Variants in ZRANB3 observed in about 807,000 individuals in gnomAD.
ZRANB3 encodes DNA annealing helicase and endonuclease ZRANB3.
A neutral mutation model predicts 133.8 loss-of-function variants in ZRANB3; 125 were observed. The observed-to-expected ratio is 0.93, with a 90% CI of 0.81 to 1.08. The LOEUF (loss-of-function observed/expected upper bound fraction) is 1.08, where lower values mean the gene tolerates loss of function less well. Ranked by LOEUF, ZRANB3 falls within the 50% of genes least tolerant of loss-of-function variation. The pLI, the probability that ZRANB3 is intolerant of heterozygous loss-of-function variation, is 0.00. For synonymous variants in ZRANB3, 387 were observed against 432.7 expected (o/e 0.89, Z 1.31); for missense variants, 1,229 against 1,275.5 (o/e 0.96, Z 0.56).
intron 9 of ZRANB3, among the ~76,000 whole-genome samples, chr2:135,272,945 A>T (rs1382511196): frequency 6.6e-6 from 1 of 151,992 alleles, no homozygotes; most frequent in Non-Finnish European, 1.5e-5. Context: ...GCACTTTGGG[A>T]GGCCGAGGAG....
At chr2:135,370,033 C>CTTTTTTTTTTTTTT in intron 3 of ZRANB3, among the ~76,000 whole-genome samples, 1 of 119,358 alleles carries the variant, frequency 8.4e-6, no homozygotes, top group Non-Finnish European at 1.9e-5. Flanking sequence ...GGGCATGTTT[C>CTTTTTTTTTTTTTT]TTTTTTTTTT....
intron 12 of ZRANB3, among the ~76,000 whole-genome samples, chr2:135,250,615 G>C (rs2105094383): frequency 6.6e-6 from 1 of 152,370 alleles, no homozygotes; most frequent in Middle Eastern, 3.4e-3. Flanking sequence ...AGCTGCTCCA[G>C]CCATGGCTGA....
chr2:135,287,145 A>T (rs1417970851), intron 8 of ZRANB3, among the ~76,000 whole-genome samples: 2 of 152,224 alleles, frequency 1.3e-5, no homozygotes, highest in Non-Finnish European at 2.9e-5. Flanking sequence ...GTGGCTTGCC[A>T]ATTATCCCAG....
intron 8 of ZRANB3, among the ~76,000 whole-genome samples, chr2:135,297,622 C>T (rs995146083): frequency 1.7e-4 from 26 of 152,312 alleles, no homozygotes; most frequent in African/African-American, 5.1e-4. Context: ...GAGATGAACC[C>T]GGTACCTCAG....
chr2:135,227,715 A>G, intron 14 of ZRANB3, 97 bp downstream of exon 14: 1 of 1,242,274 alleles, frequency 8.0e-7, no homozygotes, highest in South Asian at 1.5e-5. Flanking sequence ...GAGTAAAAGG[A>G]ACCTGGAACA....
intron 1 of ZRANB3, among the ~76,000 whole-genome samples, chr2:135,524,802 T>C (rs1464361076): frequency 6.6e-6 from 1 of 152,092 alleles, no homozygotes; most frequent in African/African-American, 2.4e-5. Context: ...ATGATAAAAT[T>C]ATATTTTAAA....
At chr2:135,406,026 T>C (rs988215128) in intron 2 of ZRANB3, among the ~76,000 whole-genome samples, 7 of 152,012 alleles carry the variant, frequency 4.6e-5, no homozygotes, top group African/African-American at 1.7e-4. Flanking sequence ...AATCAGTGAA[T>C]ACAGGAGCTG....
intron 2 of ZRANB3, among the ~76,000 whole-genome samples, chr2:135,478,403 T>A (rs1691599763): frequency 6.6e-6 from 1 of 152,106 alleles, no homozygotes; most frequent in Non-Finnish European, 1.5e-5. Flanking sequence ...AAGCCTCTCT[T>A]GTGGCCCATC....
intron 6 of ZRANB3, among the ~76,000 whole-genome samples, chr2:135,341,091 A>G (rs1362308298): frequency 2.0e-5 from 3 of 149,648 alleles, no homozygotes; most frequent in Admixed American, 1.3e-4. Context: ...CAGTGGCGCT[A>G]TCTCGGCTCA....
intron 6 of ZRANB3, among the ~76,000 whole-genome samples, chr2:135,326,513 T>C (rs576225344): frequency 6.6e-6 from 1 of 152,320 alleles, no homozygotes; most frequent in East Asian, 1.9e-4. Context: ...ATGTGCAGAA[T>C]GTGCAGGTTT....
intron 2 of ZRANB3, among the ~76,000 whole-genome samples, chr2:135,460,196 C>A (rs897160070): frequency 6.6e-6 from 1 of 152,056 alleles, no homozygotes; most frequent in African/African-American, 2.4e-5. Flanking sequence ...AGTCCTTACT[C>A]CAATGGTGAC....
chr2:135,223,774 A>G (rs1694647696), intron 15 of ZRANB3, among the ~76,000 whole-genome samples: 1 of 152,214 alleles, frequency 6.6e-6, no homozygotes, highest in African/African-American at 2.4e-5. Context: ...TTTGGGCACT[A>G]CTAAGCTAGC....
At chr2:135,483,929 A>T (rs1691968911) in intron 2 of ZRANB3, among the ~76,000 whole-genome samples, 1 of 152,144 alleles carries the variant, frequency 6.6e-6, no homozygotes, top group Admixed American at 6.5e-5. Flanking sequence ...GTTTTGAGTG[A>T]GATTCTTAAT....
intron 2 of ZRANB3, among the ~76,000 whole-genome samples, chr2:135,427,422 T>C (rs910819106): frequency 6.6e-6 from 1 of 151,844 alleles, no homozygotes; most frequent in South Asian, 2.1e-4. Flanking sequence ...ACAAACAATG[T>C]CCAAGCTGAG....
chr2:135,511,554 G>A, intron 1 of ZRANB3: 1 of 1,019,724 alleles, frequency 9.8e-7, no homozygotes, highest in Non-Finnish European at 1.6e-6. Context: ...GCTATCTGAA[G>A]ATATCATTGT....
intron 8 of ZRANB3, among the ~76,000 whole-genome samples, chr2:135,288,191 C>A (rs544854224): frequency 6.6e-6 from 1 of 152,192 alleles, no homozygotes; most frequent in South Asian, 2.1e-4. Flanking sequence ...TTGAGATGAT[C>A]ATGTAATTTT....
intron 19 of ZRANB3, 143 bp downstream of exon 19, chr2:135,207,291 G>A: frequency 1.1e-6 from 1 of 910,096 alleles, no homozygotes; most frequent in Non-Finnish European, 1.5e-6. Context: ...AACTGTTAAA[G>A]CTGGCTGATG....
chr2:135,299,808 C>A (rs371876570), intron 8 of ZRANB3, among the ~76,000 whole-genome samples: 233 of 152,222 alleles, frequency 1.5e-3, no homozygotes, highest in African/African-American at 4.8e-3. Flanking sequence ...TGTAGCATAG[C>A]GTTGTACATA....
chr2:135,244,174 AAC>A (rs1161429133), intron 12 of ZRANB3, among the ~76,000 whole-genome samples: 3 of 152,062 alleles, frequency 2.0e-5, no homozygotes, highest in Non-Finnish European at 4.4e-5. Flanking sequence ...AACAAAACAG[AAC>A]AACAAAGAAG....
Sources: gnomAD v4.1 joint callset for allele counts (sites outside exome capture counted in the v4.1 genomes callset) on GRCh38, gnomAD v4.1.1 for gene constraint, MANE v1.5 for transcripts, NCBI Gene and HGNC (gene_info 2026-07-23, HGNC 2026-07-21) for gene names.